The following DOCK3 variants were observed in gnomAD, a reference collection of about 807,000 sequenced individuals.
DOCK3 encodes dedicator of cytokinesis protein 3.
Under a neutral mutation model 265.6 loss-of-function variants are expected in DOCK3, and 60 were observed. The ratio of observed to expected loss-of-function variants is 0.23; its 90% CI spans 0.18 to 0.28. DOCK3 has a LOEUF of 0.28. Among genes scored for constraint, DOCK3 ranks in the 10% least tolerant of loss-of-function variants. The probability of loss-of-function intolerance (pLI) is 1.00; values close to 1 mark genes in which losing one functional copy is unlikely to be tolerated. For missense variants in DOCK3, 1,981 were observed against 2,594.3 expected (o/e 0.76, Z 5.14); for synonymous variants, 881 against 938.0 (o/e 0.94, Z 1.11).
intron 12 of DOCK3, among the ~76,000 whole-genome samples, chr3:51,192,144 T>A (rs1042138521): frequency 3.3e-5 from 5 of 151,732 alleles, no homozygotes; most frequent in African/African-American, 1.2e-4. Context: ...GATCTTAAAC[T>A]TTTTGCCTAG....
chr3:51,268,655 T>C (rs2080326660), intron 23 of DOCK3, among the ~76,000 whole-genome samples: 1 of 152,152 alleles, frequency 6.6e-6, no homozygotes, highest in Non-Finnish European at 1.5e-5. Context: ...TGCCTCTGTG[T>C]TGCCTCTTGA....
chr3:51,356,260 A>G lies in DOCK3; in HGVS notation c.4416+5A>G, dbSNP rs1183687502. On this transcript the variant is annotated splice_donor_5th_base_variant and intron_variant, in intron 42 of 52. Transcript: ENST00000266037. ...GACAAGGAGAATGAATTCAAGGTGAACAAATCTAGGAAAACGGGCAGTACA... is the reference window on the plus strand; with the variant it reads ...GACAAGGAGAATGAATTCAAGGTGAGCAAATCTAGGAAAACGGGCAGTACA... 2.0e-6 allele frequency: 3 copies of G among 1,508,968 alleles called. No homozygotes were observed. The highest frequency in any genetic ancestry group is 2.6e-6 in the Non-Finnish European group (3 of 1,137,694). 93.5% of individuals were successfully genotyped at this position (1,508,968 alleles called of 1,614,324 possible).
intron 25 of DOCK3, among the ~76,000 whole-genome samples, chr3:51,277,084 C>T (rs1370215188): frequency 6.6e-6 from 1 of 151,990 alleles, no homozygotes; most frequent in Non-Finnish European, 1.5e-5. Context: ...TCCCGGCTGG[C>T]AAAAATTGAG....
chr3:50,949,911 A>G (rs1022052631), intron 5 of DOCK3, among the ~76,000 whole-genome samples: 2 of 151,000 alleles, frequency 1.3e-5, no homozygotes, highest in Admixed American at 6.6e-5. Context: ...TTTATTTTTT[A>G]TTTAACTTCT....
rs141747968 is a variant in DOCK3 at position 51,359,498 on chromosome 3, G to A, written c.4885-1013G>A. On this transcript the variant is annotated intron_variant, in intron 46 of 52. Transcript: ENST00000266037. The surrounding 1 kb of genome is among the most constrained non-coding windows in gnomAD (Gnocchi z 4.8). Reference sequence around the variant, plus strand: ...TTAAGAACTTGGGCAGTATCGCTGAGTCTGGTGGGTATTCATTCCACTACC... The same window carrying A: ...TTAAGAACTTGGGCAGTATCGCTGAATCTGGTGGGTATTCATTCCACTACC... Among the ~76,000 whole-genome samples, 2 of 152,314 alleles carry A rather than the reference G, an allele frequency of 1.3e-5. No individual in the cohort carries two copies. The highest frequency in any genetic ancestry group is 4.8e-5 in the African/African-American group (2 of 41,558).
At chr3:51,137,037 T>A (rs1025184270) in intron 9 of DOCK3, among the ~76,000 whole-genome samples, 1 of 148,780 alleles carries the variant, frequency 6.7e-6, no homozygotes, top group African/African-American at 2.5e-5. Flanking sequence ...AATAATAAAT[T>A]AATTAAAAAA....
At chr3:50,806,239 G>C (rs1034809754) in intron 2 of DOCK3, among the ~76,000 whole-genome samples, 1 of 152,064 alleles carries the variant, frequency 6.6e-6, no homozygotes, top group Non-Finnish European at 1.5e-5. Flanking sequence ...TGGGATGCAG[G>C]TGTAAGGCTG....
At chr3:51,268,606 C>T (rs1437317315) in intron 23 of DOCK3, among the ~76,000 whole-genome samples, 1 of 152,170 alleles carries the variant, frequency 6.6e-6, no homozygotes, top group Non-Finnish European at 1.5e-5. Flanking sequence ...AACTCTGCCT[C>T]ATTTAAGATT....
chr3:51,222,304 G>A (rs528049420), intron 14 of DOCK3, among the ~76,000 whole-genome samples: 1 of 152,194 alleles, frequency 6.6e-6, no homozygotes, highest in Non-Finnish European at 1.5e-5. Context: ...CCCACTGGTA[G>A]GTTTTGTGAA....
intron 2 of DOCK3, among the ~76,000 whole-genome samples, chr3:50,814,322 A>T (rs1181334638): frequency 6.6e-6 from 1 of 152,142 alleles, no homozygotes; most frequent in Non-Finnish European, 1.5e-5. Context: ...GCTGGAGTTC[A>T]GTGGAGCAAT....
intron 4 of DOCK3, among the ~76,000 whole-genome samples, chr3:50,920,604 T>C (rs2050396370): frequency 6.6e-6 from 1 of 152,220 alleles, no homozygotes; most frequent in African/African-American, 2.4e-5. Context: ...ATCCCCTTTA[T>C]CATTTTTTAT....
chr3:50,810,396 C>T (rs2043675180), intron 2 of DOCK3, among the ~76,000 whole-genome samples: 1 of 151,946 alleles, frequency 6.6e-6, no homozygotes. Context: ...ACTAAAAACA[C>T]AAAAATTAGC....
intron 23 of DOCK3, among the ~76,000 whole-genome samples, chr3:51,265,914 T>G (rs1404523900): frequency 6.6e-6 from 1 of 152,144 alleles, no homozygotes; most frequent in African/African-American, 2.4e-5. Flanking sequence ...ATTGTCTCTG[T>G]TTACAGATGA....
At chr3:50,766,895 G>A (rs1310883563) in intron 1 of DOCK3, among the ~76,000 whole-genome samples, 2 of 152,060 alleles carry the variant, frequency 1.3e-5, no homozygotes, top group Non-Finnish European at 2.9e-5. Context: ...ATTTTTTCAT[G>A]TGTCTGTTGG....
At chr3:50,869,745 T>A (rs188021847) in intron 3 of DOCK3, among the ~76,000 whole-genome samples, 1 of 152,288 alleles carries the variant, frequency 6.6e-6, no homozygotes, top group East Asian at 1.9e-4. Flanking sequence ...AGATGGATTG[T>A]TAGATTATTC....
Position 50,954,294 on chromosome 3 carries a change from T to G in DOCK3, c.315+20217T>G, listed in dbSNP as rs1220130257. The stretch of plus-strand genomic sequence containing the variant: ...GGATGTGTCAGGATTTCCTTCCTTT[T>G]TAAGGCTGAATAATACTCTATCTTA... On this transcript the variant is annotated intron_variant, in intron 5 of 52. Transcript: ENST00000266037. 2.6e-5 allele frequency among the ~76,000 whole-genome samples: 4 copies of G among 152,148 alleles called. No individual in the cohort carries two copies. In the East Asian group the frequency reaches 7.7e-4, roughly 29 times the overall value.
chr3:51,306,775 T>G (rs988213572), intron 27 of DOCK3, among the ~76,000 whole-genome samples: 4 of 152,232 alleles, frequency 2.6e-5, no homozygotes, highest in Admixed American at 6.5e-5. Flanking sequence ...CTACCCTTTT[T>G]GTTGGCATCC....
intron 1 of DOCK3, among the ~76,000 whole-genome samples, chr3:50,751,706 A>G (rs1207215981): frequency 6.6e-6 from 1 of 152,198 alleles, no homozygotes; most frequent in Non-Finnish European, 1.5e-5. Flanking sequence ...ACATACTGCT[A>G]TAAAGATACT....
chr3:50,702,097 G>T (rs567938174), intron 1 of DOCK3, among the ~76,000 whole-genome samples: 1 of 152,220 alleles, frequency 6.6e-6, no homozygotes, highest in South Asian at 2.1e-4. Flanking sequence ...TTCTATTTCT[G>T]TGAAGAATAT....
Sources: allele counts gnomAD v4.1 joint callset (sites outside exome capture counted in the v4.1 genomes callset), GRCh38; gene constraint gnomAD v4.1.1; non-coding constraint Gnocchi (gnomAD v3.1); transcripts MANE v1.5; gene names NCBI Gene and HGNC (gene_info 2026-07-23, HGNC 2026-07-21).